The following DENND2B variants were observed in gnomAD, a reference collection of about 807,000 sequenced individuals.
The protein encoded by DENND2B is DENN domain containing 2B.
DENND2B carries 32 observed loss-of-function variants against 116.0 expected under a neutral mutation model. The observed-to-expected ratio is 0.28, with a 90% CI of 0.21 to 0.37. DENND2B has a LOEUF of 0.37. Among genes scored for constraint, DENND2B ranks in the 10% least tolerant of loss-of-function variants. DENND2B has a pLI of 1.00. For missense variants in DENND2B, 1,276 were observed against 1,477.7 expected (o/e 0.86, Z 2.24); for synonymous variants, 588 against 583.9 (o/e 1.01, Z -0.10).
At chr11:8,708,204 A>G (rs974110888) in intron 11 of DENND2B, 29 of 1,242,850 alleles carry the variant, frequency 2.3e-5, no homozygotes, top group Non-Finnish European at 2.8e-5. Flanking sequence ...TGAGGCTGGG[A>G]CCCCAGCAGA....
chr11:8,787,027 T>A (rs1051582858), intron 1 of DENND2B: 1 of 152,186 alleles, frequency 6.6e-6, no homozygotes, highest in Admixed American at 6.5e-5. Context: ...ATGAGGTAAA[T>A]GTTACCAATT....
intron 5 of DENND2B, among the ~76,000 whole-genome samples, chr11:8,716,593 T>C (rs2044840284): frequency 6.6e-6 from 1 of 151,902 alleles, no homozygotes. Context: ...CCAATCAATC[T>C]GGCAATGCAA....
chr11:8,835,021 G>A (rs544188706), intron 4 of DENND2B, among the ~76,000 whole-genome samples: 17 of 152,258 alleles, frequency 1.1e-4, no homozygotes, highest in East Asian at 5.8e-4. Flanking sequence ...CAAGGTGGGC[G>A]GATCAATTGA....
At chr11:8,724,221 G>A (rs778211878) in intron 4 of DENND2B, among the ~76,000 whole-genome samples, 6 of 152,038 alleles carry the variant, frequency 3.9e-5, no homozygotes, top group Non-Finnish European at 5.9e-5. Flanking sequence ...GCATGAACCC[G>A]GGATGCGGAG....
intron 4 of DENND2B, among the ~76,000 whole-genome samples, chr11:8,820,928 C>T (rs2061736223): frequency 1.3e-5 from 2 of 151,968 alleles, no homozygotes; most frequent in African/African-American, 2.4e-5. Context: ...TCGAGACCAG[C>T]CTGGCCAACA....
chr11:8,848,232 T>A (rs1243863251), intron 3 of DENND2B, among the ~76,000 whole-genome samples: 1 of 152,224 alleles, frequency 6.6e-6, no homozygotes, highest in Non-Finnish European at 1.5e-5. Context: ...GAAATATCTC[T>A]TAGAGCTTTG....
At chr11:8,877,318 G>GA (rs2063854964) in intron 2 of DENND2B, 1 of 151,616 alleles carries the variant, frequency 6.6e-6, no homozygotes, top group Non-Finnish European at 1.5e-5. Context: ...TGTTAGCCAG[G>GA]ATGGTCTCAA....
chr11:8,721,149 G>A (rs548865965), intron 4 of DENND2B, among the ~76,000 whole-genome samples: 6 of 152,122 alleles, frequency 3.9e-5, no homozygotes, highest in East Asian at 3.9e-4. Context: ...AGGCATCACC[G>A]AGAATTTCTG....
chr11:8,799,505 G>T (rs2060124533), intron 1 of DENND2B, among the ~76,000 whole-genome samples: 1 of 150,456 alleles, frequency 6.6e-6, no homozygotes, highest in Non-Finnish European at 1.5e-5. Flanking sequence ...TGCCAAGCTT[G>T]TCTCACATGT....
intron 1 of DENND2B, among the ~76,000 whole-genome samples, chr11:8,906,490 C>T (rs1462833671): frequency 4.2e-5 from 6 of 142,802 alleles, no homozygotes; most frequent in Admixed American, 2.9e-4. Flanking sequence ...TGAGCCACCG[C>T]GCCCAGCCAA....
At chr11:8,825,108 C>T (rs1363851131) in intron 4 of DENND2B, among the ~76,000 whole-genome samples, 1 of 152,134 alleles carries the variant, frequency 6.6e-6, no homozygotes, top group Non-Finnish European at 1.5e-5. Flanking sequence ...ACACTGTCTT[C>T]CACAATGGTT....
intron 2 of DENND2B, among the ~76,000 whole-genome samples, chr11:8,738,226 C>T (rs1347938747): frequency 1.3e-5 from 2 of 152,226 alleles, no homozygotes; most frequent in African/African-American, 4.8e-5. Flanking sequence ...CACTGGACGT[C>T]TGCTCTCACA....
chr11:8,707,908 T>C lies in DENND2B; in HGVS notation c.2353-54A>G, dbSNP rs2042900363. ...GAGACAGACACAGAGAATGCATGAT[T>C]ACCATTTCTGGCTCCTTTTCCTTGG... On this transcript the variant is annotated intron_variant, in intron 11 of 19. Transcript: ENST00000313726. The surrounding 1 kb of genome is among the most constrained non-coding windows in gnomAD (Gnocchi z 4.8). 2 of 1,571,556 alleles carry C rather than the reference T, an allele frequency of 1.3e-6. No homozygotes were observed. Among genetic ancestry groups the C allele is most frequent in the South Asian group, 2.3e-5 (2 of 85,982 alleles).
intron 1 of DENND2B, among the ~76,000 whole-genome samples, chr11:8,753,101 G>C (rs1469928320): frequency 6.6e-6 from 1 of 152,146 alleles, no homozygotes; most frequent in Non-Finnish European, 1.5e-5. Flanking sequence ...GCCAAGTGTG[G>C]TGGTGCATGC....
intron 1 of DENND2B, among the ~76,000 whole-genome samples, chr11:8,775,127 C>T (rs1222153329): frequency 1.3e-5 from 2 of 152,008 alleles, no homozygotes; most frequent in Admixed American, 6.5e-5. Flanking sequence ...GTGACCCGCC[C>T]GCCTTGACCT....
At chr11:8,797,689 A>G (rs2059956006) in intron 1 of DENND2B, among the ~76,000 whole-genome samples, 1 of 152,014 alleles carries the variant, frequency 6.6e-6, no homozygotes. Flanking sequence ...GGTTCCAGCG[A>G]TCCTCCCGCT....
intron 1 of DENND2B, among the ~76,000 whole-genome samples, chr11:8,799,713 G>C (rs2060152043): frequency 1.3e-5 from 2 of 151,602 alleles, no homozygotes; most frequent in Admixed American, 6.6e-5. Context: ...TAAGCAGATG[G>C]GACTACAGGT....
At chr11:8,803,651 A>C (rs937734123) in intron 1 of DENND2B, among the ~76,000 whole-genome samples, 9 of 152,244 alleles carry the variant, frequency 5.9e-5, no homozygotes, top group African/African-American at 1.9e-4. Flanking sequence ...TTGTGTCTAC[A>C]ACTAAGTCGA....
intron 1 of DENND2B, among the ~76,000 whole-genome samples, chr11:8,775,672 C>T (rs756022501): frequency 3.9e-5 from 6 of 152,300 alleles, no homozygotes; most frequent in African/African-American, 1.2e-4. Context: ...AGGAGGAAGA[C>T]GTCCTTGGAG....
Sources: allele counts gnomAD v4.1 joint callset (sites outside exome capture counted in the v4.1 genomes callset), GRCh38; gene constraint gnomAD v4.1.1; non-coding constraint Gnocchi (gnomAD v3.1); transcripts MANE v1.5; gene names NCBI Gene and HGNC (gene_info 2026-07-23, HGNC 2026-07-21).